CTNS: variants seen among roughly 807,000 people sequenced by gnomAD.
CTNS encodes cystinosin, lysosomal cystine transporter.
A neutral mutation model predicts 43.7 loss-of-function variants in CTNS; 27 were observed. The ratio of observed to expected loss-of-function variants is 0.62; its 90% CI spans 0.46 to 0.85. The LOEUF (loss-of-function observed/expected upper bound fraction) is 0.85, where lower values mean the gene tolerates loss of function less well. Among genes scored for constraint, CTNS ranks in the 40% least tolerant of loss-of-function variants. The pLI is 0.00. For synonymous variants in CTNS, 187 were observed against 190.6 expected, an observed-to-expected ratio of 0.98 and a Z score of 0.16; for missense variants, 457 against 475.4, an observed-to-expected ratio of 0.96 and a Z score of 0.36.
chr17:3,662,432 C>T lies in CTNS; in HGVS notation c.*2063C>T, dbSNP rs1441495015. ...AGGTAGTCAGGTGCTCTCTGACTCA[C>T]CCCCATCTGGCCAGATCACGGCCCC... On this transcript the variant is annotated 3_prime_UTR_variant, in exon 12 of 12. Transcript: ENST00000046640. 2.0e-5 allele frequency among the ~76,000 whole-genome samples: 3 copies of T among 152,176 alleles called. No homozygotes were observed. The highest frequency in any genetic ancestry group is 4.4e-5 in the Non-Finnish European group (3 of 68,026).
At chr17:3,655,467 C>T in intron 7 of CTNS, 115 bp downstream of exon 7, 3 of 1,495,914 alleles carry the variant, frequency 2.0e-6, no homozygotes, top group Admixed American at 3.4e-5. Context: ...TGTCTGCCTA[C>T]CCTTTCCAGA....
At chr17:3,658,232 C>T in intron 10 of CTNS, 57 bp downstream of exon 10, 2 of 1,601,182 alleles carry the variant, frequency 1.2e-6, no homozygotes, top group East Asian at 4.5e-5. Flanking sequence ...AGCTACATGG[C>T]CCAGGCCCTG....
Position 3,662,472 on chromosome 17 carries a change from G to C in CTNS, c.*2103G>C, listed in dbSNP as rs994258186. Among the ~76,000 whole-genome samples, 8 of 152,158 alleles carry C rather than the reference G, an allele frequency of 5.3e-5. No individual in the cohort carries two copies. The highest frequency in any genetic ancestry group is 1.0e-4 in the Non-Finnish European group (7 of 68,022). On this transcript the variant is annotated 3_prime_UTR_variant, in exon 12 of 12. Coordinates refer to ENST00000046640, the MANE Select transcript of CTNS (RefSeq NM_004937.3). ...ATCACGGCCCCCAGCAACACGTGGG[G>C]TTGTGTCCCTCGCTGGGATACACGG...
chr17:3,655,725 C>A (rs1388248856), intron 7 of CTNS: 217 of 338,440 alleles, frequency 6.4e-4, no homozygotes, highest in African/African-American at 4.5e-3. Context: ...CGAAGCTGTC[C>A]CACCTTGACT....
chr17:3,650,398 C>T lies in CTNS; in HGVS notation c.225+1467C>T, dbSNP rs904006253. The T allele has an allele frequency of 4.2e-5, 64 of 1,519,400 alleles. No homozygotes were observed. In the Admixed American group the frequency reaches 1.2e-3, roughly 28 times the overall value. The allele number at this position is 1,519,400 out of a possible 1,614,324, so 94.1% of individuals were successfully genotyped here. A position where few individuals can be genotyped will look rare whatever the true frequency, so the allele number is the denominator to read the frequency against. On this transcript the variant is annotated intron_variant, in intron 5 of 11. Transcript: ENST00000046640. ...TTGGGAGGCTGAGGCAGGAGAATCA[C>T]TTGAGCCCAGGAACTCAAGGCTGCA... is the stretch of plus-strand genomic sequence containing the variant.
rs115036225 is a variant in CTNS at position 3,655,979 on chromosome 17, G to T, written c.462-508G>T. On this transcript the variant is annotated intron_variant, in intron 7 of 11. Coordinates refer to ENST00000046640, the MANE Select transcript of CTNS (RefSeq NM_004937.3). Reference sequence around the variant, plus strand: ...AGGAGGGACCTAAGGACAGTACCCTGCTTGAGAAGGGCCGAGTCCTCCTTC... The same window carrying T: ...AGGAGGGACCTAAGGACAGTACCCTTCTTGAGAAGGGCCGAGTCCTCCTTC... 2.9e-3 allele frequency: 890 copies of T among 307,224 alleles called. 15 individuals carry two copies. Among genetic ancestry groups the T allele is most frequent in the African/African-American group, 0.019 (846 of 45,556 alleles). 19.0% of individuals were successfully genotyped at this position (307,224 alleles called of 1,614,324 possible).
chr17:3,649,458 A>G (rs2075924076), intron 5 of CTNS, among the ~76,000 whole-genome samples: 2 of 151,920 alleles, frequency 1.3e-5, no homozygotes, highest in African/African-American at 2.4e-5. Context: ...TCTCAAAAAA[A>G]AAAAAAAAAA....
rs2076296145 is a variant in CTNS, at chr17:3,662,858, C to T, written c.*2489C>T. ...CCCAATATCCCACCGCCACCCCCAC[C>T]CCGATATCCCAGCCCATGCCTCAGC... is the stretch of plus-strand genomic sequence containing the variant. On this transcript the variant is annotated 3_prime_UTR_variant, in exon 12 of 12. Transcript: ENST00000046640. The T allele has an allele frequency of 6.6e-6, 1 of 152,170 alleles. No individual in the cohort carries two copies. The highest frequency in any genetic ancestry group is 6.5e-5 in the Admixed American group (1 of 15,284). The allele number at this position is 152,170 out of a possible 1,614,324, so 9.4% of individuals were successfully genotyped here.
At chr17:3,654,636 A>G (rs1331922819) in intron 5 of CTNS, among the ~76,000 whole-genome samples, 3 of 145,586 alleles carry the variant, frequency 2.1e-5, no homozygotes, top group Non-Finnish European at 4.5e-5. Context: ...AGCCGAGATC[A>G]CTCCACTACA....
intron 5 of CTNS, among the ~76,000 whole-genome samples, chr17:3,654,066 G>A (rs991917640): frequency 6.6e-6 from 1 of 152,126 alleles, no homozygotes; most frequent in Non-Finnish European, 1.5e-5. Context: ...GCTGGCACAG[G>A]GCACACATGG....
chr17:3,643,027 T>C (rs2075756635), intron 3 of CTNS, among the ~76,000 whole-genome samples: 1 of 151,986 alleles, frequency 6.6e-6, no homozygotes, highest in Non-Finnish European at 1.5e-5. Flanking sequence ...TAATAATGCC[T>C]ACCTCGGCCT....
rs1475393755 is a variant in CTNS, at chr17:3,656,697, C to T, written c.583C>T (p.Pro195Ser). Residue 195 changes from proline to serine, a missense_variant, in exon 9 of 12, where the codon CCC becomes TCC. By Grantham distance (74) the Pro-to-Ser change is moderately conservative. Coordinates refer to ENST00000046640, the MANE Select transcript of CTNS (RefSeq NM_004937.3). ...ACAGGAGCAGTTTCTCCTCAAATACCCCAACGGAGTGAACCCCGTGAACAG... is the reference window on the plus strand; with the variant it reads ...ACAGGAGCAGTTTCTCCTCAAATACTCCAACGGAGTGAACCCCGTGAACAG... ...YIKEQFLLKYPNGVNPVNSND... is the reference protein window; with the variant it reads ...YIKEQFLLKYSNGVNPVNSND... 1.1e-5 allele frequency: 18 copies of T among 1,613,232 alleles called. No individual in the cohort carries two copies. The highest frequency in any genetic ancestry group is 6.7e-5 in the Admixed American group (4 of 59,944).
At chr17:3,659,296 G>GC (rs767440803) in intron 10 of CTNS, among the ~76,000 whole-genome samples, 22 of 152,166 alleles carry the variant, frequency 1.4e-4, no homozygotes, top group African/African-American at 2.4e-4. Context: ...CCGCAGACCC[G>GC]CCCCCCCAAC....
chr17:3,656,817 C>G (rs370832972), intron 9 of CTNS, 22 bp downstream of exon 9: 16 of 1,612,486 alleles, frequency 9.9e-6, no homozygotes, highest in Middle Eastern at 1.6e-4. Flanking sequence ...CCTGGCCCCC[C>G]ACAGGCCACC....
At chr17:3,638,239 T>C (rs1396532236) in intron 2 of CTNS, among the ~76,000 whole-genome samples, 1 of 50,970 alleles carries the variant, frequency 2.0e-5, no homozygotes, top group East Asian at 2.9e-4. Context: ...TTTTTTTTGT[T>C]TTTTTTTTTT....
At chr17:3,650,294 T>A (rs2075949538) in intron 5 of CTNS, 1 of 1,549,764 alleles carries the variant, frequency 6.5e-7, no homozygotes, top group East Asian at 2.4e-5. Flanking sequence ...ACACGATCAG[T>A]CTCCAGCATG....
intron 2 of CTNS, among the ~76,000 whole-genome samples, chr17:3,639,754 C>T (rs2150887861): frequency 6.6e-6 from 1 of 152,152 alleles, no homozygotes; most frequent in South Asian, 2.1e-4. Context: ...CCCTTAGACT[C>T]TTATCCCAGG....
chr17:3,642,297 G>T (rs1433375151), intron 3 of CTNS, among the ~76,000 whole-genome samples: 2 of 152,100 alleles, frequency 1.3e-5, no homozygotes, highest in Non-Finnish European at 2.9e-5. Context: ...AGGGTAGAAG[G>T]CTTCCCCAAA....
intron 2 of CTNS, among the ~76,000 whole-genome samples, chr17:3,638,288 A>C (rs1383628760): frequency 6.7e-6 from 1 of 149,842 alleles, no homozygotes; most frequent in Non-Finnish European, 1.5e-5. Flanking sequence ...CTCAGGCTGG[A>C]GTGCAATGGT....
Sources: allele counts gnomAD v4.1 joint callset (sites outside exome capture counted in the v4.1 genomes callset), GRCh38; gene constraint gnomAD v4.1.1; transcripts MANE v1.5; gene names NCBI Gene and HGNC (gene_info 2026-07-23, HGNC 2026-07-21).